KIAA0232: variants seen among roughly 807,000 people sequenced by gnomAD.
The protein encoded by KIAA0232 is uncharacterized protein KIAA0232.
Under a neutral mutation model 122.0 loss-of-function variants are expected in KIAA0232, and 27 were observed. The observed-to-expected ratio is 0.22, with a 90% CI of 0.16 to 0.31. KIAA0232 has a LOEUF of 0.31. Ranked by LOEUF, KIAA0232 falls within the 10% of genes least tolerant of loss-of-function variation. The probability of loss-of-function intolerance (pLI) is 1.00; values close to 1 mark genes in which losing one functional copy is unlikely to be tolerated. For synonymous variants in KIAA0232, 613 were observed against 587.6 expected, an observed-to-expected ratio of 1.04 and a Z score of -0.63; for missense variants, 1,551 against 1,634.2, an observed-to-expected ratio of 0.95 and a Z score of 0.88.
At chr4:6,848,562 A>T (rs1720097833) in intron 4 of KIAA0232, among the ~76,000 whole-genome samples, 2 of 152,184 alleles carry the variant, frequency 1.3e-5, no homozygotes. Flanking sequence ...ATACAGGAGG[A>T]TGTGTGTAGG....
intron 7 of KIAA0232, among the ~76,000 whole-genome samples, chr4:6,870,810 A>AAG: frequency 6.6e-6 from 1 of 151,066 alleles, no homozygotes; most frequent in East Asian, 1.9e-4. Context: ...TTGGAAAAAA[A>AAG]AAAAAAAGGA....
At chr4:6,800,305 G>A (rs545137837) in intron 1 of KIAA0232, among the ~76,000 whole-genome samples, 1 of 148,300 alleles carries the variant, frequency 6.7e-6, no homozygotes, top group Non-Finnish European at 1.5e-5. Flanking sequence ...TGATCTGCCT[G>A]TCTTGGCCTC....
In KIAA0232 at chr4:6,824,347, G is replaced by A; in HGVS notation, c.-107G>A. ...GCAAAAATAAATGCTTATCCTACATGTCAAGCATCTCTACTTTTTACTGGA... is the reference window on the plus strand; with the variant it reads ...GCAAAAATAAATGCTTATCCTACATATCAAGCATCTCTACTTTTTACTGGA... On this transcript the variant is annotated 5_prime_UTR_variant, in exon 3 of 10. The change abolishes an upstream ATG in the 5' untranslated region. Coordinates refer to ENST00000307659, the MANE Select transcript of KIAA0232 (RefSeq NM_014743.3). The A allele has an allele frequency of 2.2e-6, 2 of 919,794 alleles. No homozygotes were observed. The highest frequency in any genetic ancestry group is 2.8e-5 in the South Asian group (2 of 72,212). The allele number at this position is 919,794 out of a possible 1,614,324, so 57.0% of individuals were successfully genotyped here.
At chr4:6,839,753 C>T (rs967267268) in intron 3 of KIAA0232, among the ~76,000 whole-genome samples, 4 of 152,038 alleles carry the variant, frequency 2.6e-5, no homozygotes, top group African/African-American at 9.7e-5. Context: ...TAGTTATGTC[C>T]TAGAGACAAA....
At chr4:6,830,411 T>C (rs1050505205) in intron 3 of KIAA0232, among the ~76,000 whole-genome samples, 3 of 145,972 alleles carry the variant, frequency 2.1e-5, no homozygotes, top group African/African-American at 7.7e-5. Context: ...GTCTTTTTTT[T>C]TTTTTTTTTT....
At chr4:6,800,062 T>C (rs1413182460) in intron 1 of KIAA0232, among the ~76,000 whole-genome samples, 3 of 63,770 alleles carry the variant, frequency 4.7e-5, no homozygotes, top group African/African-American at 7.0e-5. Context: ...TTTTTTTTTT[T>C]TTTTTTTTTT....
chr4:6,869,563 G>T (rs1721362307), intron 7 of KIAA0232, among the ~76,000 whole-genome samples: 1 of 152,222 alleles, frequency 6.6e-6, no homozygotes, highest in South Asian at 2.1e-4. Flanking sequence ...CATTCCCCTG[G>T]CCCTAGCATC....
chr4:6,789,785 G>A (rs1716806055), intron 1 of KIAA0232, among the ~76,000 whole-genome samples: 1 of 152,178 alleles, frequency 6.6e-6, no homozygotes, highest in South Asian at 2.1e-4. Flanking sequence ...CCAGCACTTT[G>A]GGAAAGCGAG....
chr4:6,853,020 G>C (rs896202196), intron 4 of KIAA0232, among the ~76,000 whole-genome samples: 8 of 152,190 alleles, frequency 5.3e-5, no homozygotes, highest in Non-Finnish European at 1.0e-4. Flanking sequence ...TTACTTTCTG[G>C]AGAGATTAAG....
Position 6,863,638 on chromosome 4 carries a change from C to T in KIAA0232, c.3256C>T (p.His1086Tyr), listed in dbSNP as rs761458181. 6 of 1,614,196 alleles carry T rather than the reference C, an allele frequency of 3.7e-6. No individual in the cohort carries two copies. The South Asian group carries it at 6.6e-5, about 18-fold the overall frequency. ...LCSDSDSEVFHPRICGVDRTQ... is the reference protein window; with the variant it reads ...LCSDSDSEVFYPRICGVDRTQ... The stretch of plus-strand genomic sequence containing the variant: ...TTCTGATTCAGACAGTGAAGTGTTT[C>T]ACCCCAGGATATGTGGTGTTGACAG... The change falls in exon 7 of 10, where the codon CAC becomes TAC. Residue 1086 changes from histidine to tyrosine, a missense_variant. Transcript: ENST00000307659.
chr4:6,875,101 G>C (rs1300151075), intron 8 of KIAA0232, among the ~76,000 whole-genome samples: 1 of 152,198 alleles, frequency 6.6e-6, no homozygotes, highest in Non-Finnish European at 1.5e-5. Flanking sequence ...CTCCTTAGGA[G>C]AGATGAAGCC....
intron 3 of KIAA0232, among the ~76,000 whole-genome samples, chr4:6,834,481 G>A (rs187927220): frequency 5.3e-4 from 81 of 152,242 alleles, no homozygotes; most frequent in African/African-American, 2.0e-3. Context: ...CTTCTAGCAG[G>A]TAGGCTAATG....
chr4:6,817,680 T>TTA (rs1374395505), intron 2 of KIAA0232, among the ~76,000 whole-genome samples: 6 of 152,336 alleles, frequency 3.9e-5, no homozygotes, highest in African/African-American at 1.4e-4. Context: ...ACAGTTTATC[T>TTA]TAGGTCAAGT....
Position 6,862,947 on chromosome 4 carries a change from AAAT to A in KIAA0232, c.2568_2570del (p.Asn857del). 6.2e-7 allele frequency: 1 copy of A among 1,614,220 alleles called. No homozygotes were observed. Among genetic ancestry groups the A allele is most frequent in the Non-Finnish European group, 8.5e-7 (1 of 1,180,034 alleles). The stretch of plus-strand genomic sequence containing the variant: ...ATGCTGAGTTGTTTTCGGCAGATGT[AAAT>A]AACTACTGCTGCTGTCTAGATGCTG... On this transcript the variant is annotated inframe_deletion, in exon 7 of 10. Coordinates refer to ENST00000307659, the MANE Select transcript of KIAA0232 (RefSeq NM_014743.3).
intron 1 of KIAA0232, among the ~76,000 whole-genome samples, chr4:6,792,575 C>T (rs1716943953): frequency 6.6e-6 from 1 of 151,546 alleles, no homozygotes; most frequent in Non-Finnish European, 1.5e-5. Context: ...ATATTAAGCT[C>T]ATAAAGTTTA....
intron 4 of KIAA0232, among the ~76,000 whole-genome samples, chr4:6,848,614 C>G (rs900865836): frequency 2.6e-5 from 4 of 152,216 alleles, no homozygotes; most frequent in Non-Finnish European, 5.9e-5. Context: ...GGAACTTGAA[C>G]ATCCACAGAT....
intron 2 of KIAA0232, among the ~76,000 whole-genome samples, 183 bp downstream of exon 2, chr4:6,804,789 C>T (rs1274153476): frequency 6.6e-6 from 1 of 152,090 alleles, no homozygotes; most frequent in Non-Finnish European, 1.5e-5. Context: ...ACTTTTTAAT[C>T]CTGGGAATTC....
chr4:6,824,313 T>A lies in KIAA0232; in HGVS notation c.-141T>A. ...AGAGGGAAAGTCTGTTTTAGGTGGC[T>A]GACTACCAGCAAAAATAAATGCTTA... On this transcript the variant is annotated 5_prime_UTR_variant, in exon 3 of 10. It removes the in-frame stop codon of an upstream open reading frame in the 5' UTR. Transcript: ENST00000307659. 1 of 716,458 alleles carries A rather than the reference T, an allele frequency of 1.4e-6. No homozygotes were observed. The allele number at this position is 716,458 out of a possible 1,614,324, so 44.4% of individuals were successfully genotyped here.
intron 1 of KIAA0232, among the ~76,000 whole-genome samples, chr4:6,790,837 C>G (rs188923031): frequency 6.6e-6 from 1 of 151,554 alleles, no homozygotes; most frequent in Non-Finnish European, 1.5e-5. Flanking sequence ...TAGTTACCAT[C>G]ATAGATAATT....
Sources: allele counts gnomAD v4.1 joint callset (sites outside exome capture counted in the v4.1 genomes callset), GRCh38; gene constraint gnomAD v4.1.1; transcripts MANE v1.5; gene names NCBI Gene and HGNC (gene_info 2026-07-23, HGNC 2026-07-21).